The following CD302 variants were observed in gnomAD, a reference collection of about 807,000 sequenced individuals.
CD302 encodes the protein CD302 antigen.
A neutral mutation model predicts 26.5 loss-of-function variants in CD302; 23 were observed. The observed-to-expected ratio is 0.87, with a 90% confidence interval of 0.62 to 1.23. The LOEUF (loss-of-function observed/expected upper bound fraction) is 1.23. Ranked by LOEUF, CD302 falls within the 50% of genes most tolerant of loss-of-function variation. The pLI, the probability that CD302 is intolerant of heterozygous loss-of-function variation, is 0.00. For missense variants in CD302, 290 were observed against 275.5 expected, an observed-to-expected ratio of 1.05 and a Z score of -0.37; for synonymous variants, 90 against 99.4, an observed-to-expected ratio of 0.91 and a Z score of 0.56.
chr2:159,780,169 A>C lies in CD302; in HGVS notation c.305T>G (p.Phe102Cys), dbSNP rs992626516. Residue 102 changes from phenylalanine (F) to cysteine (C), a missense_variant, in exon 4 of 6, where the codon TTC (phenylalanine) becomes TGC (cysteine). By Grantham distance (205) the Phe-to-Cys change is radical. Coordinates refer to ENST00000259053, the MANE Select transcript of CD302 (RefSeq NM_014880.5). Reference protein sequence around the residue: ...GMFYDTDDASFKWFDNSNMTF... With the variant: ...GMFYDTDDASCKWFDNSNMTF... The stretch of plus-strand genomic sequence containing the variant: ...CATATTTGAATTATCAAACCACTTG[A>C]AACTCGCATCTGTCAATTAAGGAAT... 3.1e-6 allele frequency: 5 copies of C among 1,613,176 alleles called. No individual in the cohort carries two copies. Among genetic ancestry groups the C allele is most frequent in the Non-Finnish European group, 4.2e-6 (5 of 1,179,694 alleles).
chr2:159,794,306 A>AAAATAAAATAAT (rs1560052350), intron 1 of CD302, among the ~76,000 whole-genome samples: 198 of 8,944 alleles, frequency 0.022, no homozygotes, highest in African/African-American at 0.061. Flanking sequence ...ATAAAATAAT[A>AAAATAAAATAAT]AAAAAAAAAA....
chr2:159,777,090 G>A (rs569521410), intron 5 of CD302, among the ~76,000 whole-genome samples: 1 of 151,188 alleles, frequency 6.6e-6, no homozygotes, highest in South Asian at 2.1e-4. Flanking sequence ...AACTCCATCT[G>A]TACAAAAAAA....
At position 159,770,389 on chromosome 2, in the gene CD302, C is replaced by T. The variant is rs1238543771; in HGVS notation, c.*1462G>A. The T allele has an allele frequency of 3.9e-5, 6 of 152,118 alleles. No individual in the cohort carries two copies. 9.4% of individuals were successfully genotyped at this position (152,118 alleles called of 1,614,324 possible). A position where few individuals can be genotyped will look rare whatever the true frequency, so the allele number is the denominator to read the frequency against. ...ATAGTTTTCTATCACTTTTTAGTTACTCATGTCTCATTAATGATAGTGCCA... is the reference window on the plus strand; with the variant it reads ...ATAGTTTTCTATCACTTTTTAGTTATTCATGTCTCATTAATGATAGTGCCA... On this transcript the variant is annotated 3_prime_UTR_variant, in exon 6 of 6. Transcript: ENST00000259053.
chr2:159,776,520 A>G (rs949608787), intron 5 of CD302, among the ~76,000 whole-genome samples: 2 of 152,066 alleles, frequency 1.3e-5, no homozygotes, highest in African/African-American at 2.4e-5. Context: ...TTCCTACCAC[A>G]AGAGTTCCAA....
chr2:159,779,957 C>CT (rs1017440706), intron 4 of CD302, 48 bp downstream of exon 4: 4 of 1,569,900 alleles, frequency 2.5e-6, no homozygotes, highest in African/African-American at 1.4e-5. Context: ...ACCAGTCCTA[C>CT]TTTCTCTGCC....
At position 159,797,538 on chromosome 2, in the gene CD302, T is replaced by C. The variant is rs184044206; in HGVS notation, c.67+594A>G. 1.2e-3 allele frequency among the ~76,000 whole-genome samples: 176 copies of C among 152,308 alleles called. No homozygotes were observed. The South Asian group carries it at 0.013, about 12-fold the overall frequency. ...CAACAGCAGACTAGAACTTTAAAAC[T>C]CCTTGATTTCAGTGAAATCCAAGCT... On this transcript the variant is annotated intron_variant, in intron 1 of 5. Transcript: ENST00000259053.
intron 5 of CD302, among the ~76,000 whole-genome samples, chr2:159,772,306 G>A (rs1708175229): frequency 2.0e-5 from 3 of 152,122 alleles, no homozygotes; most frequent in Admixed American, 1.3e-4. Flanking sequence ...TGGAAATCAC[G>A]CAAGTATATA....
At chr2:159,776,132 C>T (rs936165436) in intron 5 of CD302, among the ~76,000 whole-genome samples, 6 of 150,258 alleles carry the variant, frequency 4.0e-5, no homozygotes, top group African/African-American at 1.2e-4. Flanking sequence ...GGATTACAGG[C>T]GTGAGCCACT....
intron 1 of CD302, 78 bp downstream of exon 1, chr2:159,798,054 G>A (rs993918681): frequency 1.6e-5 from 22 of 1,368,750 alleles, no homozygotes; most frequent in African/African-American, 1.5e-5. Flanking sequence ...TCGGGTGCGC[G>A]GGGACGAAGA....
intron 1 of CD302, among the ~76,000 whole-genome samples, chr2:159,783,974 TC>T (rs1262842681): frequency 6.6e-6 from 1 of 152,238 alleles, no homozygotes; most frequent in East Asian, 1.9e-4. Context: ...AGATTGATGT[TC>T]TTATGAATGT....
chr2:159,780,854 C>T (rs764769118), intron 3 of CD302, 28 bp downstream of exon 3: 1 of 1,595,580 alleles, frequency 6.3e-7, no homozygotes, highest in South Asian at 1.1e-5. Context: ...ACAACAAAGT[C>T]ACGTCCCACG....
rs71406197 is a variant in CD302 at position 159,776,012 on chromosome 2, CTT to C, written c.496+1924_496+1925del. Among the ~76,000 whole-genome samples, 27 of 81,256 alleles carry C rather than the reference CTT, an allele frequency of 3.3e-4. 3 individuals are homozygous for C. Among genetic ancestry groups the C allele is most frequent in the African/African-American group, 7.7e-4 (18 of 23,232 alleles). The allele number at this position is 81,256 out of a possible 152,430, so 53.3% of individuals were successfully genotyped here. A position where few individuals can be genotyped will look rare whatever the true frequency, so the allele number is the denominator to read the frequency against. On this transcript the variant is annotated intron_variant, in intron 5 of 5. Transcript: ENST00000259053. ...TGCAGCCTCTGCCTCCGGGTTTCAACTTTTTTTTTTTTTTTTTTAAAGTAGAG... is the reference window on the plus strand; with the variant it reads ...TGCAGCCTCTGCCTCCGGGTTTCAACTTTTTTTTTTTTTTTTAAAGTAGAG...
rs758348918 is a variant in CD302 at position 159,783,408 on chromosome 2, G to A, written c.129C>T (p.Ala43=). The A allele has an allele frequency of 1.1e-5, 17 of 1,612,758 alleles. No individual in the cohort carries two copies. In the South Asian group the frequency reaches 1.5e-4, roughly 15 times the overall value. The part of the protein sequence containing the change: ...QDSCYIFLQE[A]IKVESIEDVR... ...CATCCTCTATGCTTTCTACTTTGAT[G>A]GCTTCTTGGAGAAAAATGTAACAAC... is the stretch of plus-strand genomic sequence containing the variant. Residue 43 remains alanine (A), a synonymous_variant, in exon 2 of 6, where the codon GCC becomes GCT. Coordinates refer to ENST00000259053, the MANE Select transcript of CD302 (RefSeq NM_014880.5).
At chr2:159,781,149 A>G in intron 2 of CD302, 151 bp from the exon 3 acceptor site, 1 of 646,192 alleles carries the variant, frequency 1.5e-6, no homozygotes. Flanking sequence ...CAAGCTAATA[A>G]GGTTACAGGG....
chr2:159,779,800 C>T (rs530503548), intron 4 of CD302, among the ~76,000 whole-genome samples: 11 of 144,230 alleles, frequency 7.6e-5, no homozygotes, highest in African/African-American at 2.4e-4. Context: ...GATGAGTTTT[C>T]GCCATGTTGC....
intron 3 of CD302, among the ~76,000 whole-genome samples, 160 bp downstream of exon 3, chr2:159,780,722 C>G (rs1708480191): frequency 6.6e-6 from 1 of 152,116 alleles, no homozygotes; most frequent in Admixed American, 6.5e-5. Context: ...TTGAGCTATG[C>G]AGATACAAGC....
chr2:159,775,949 C>T (rs1400719889), intron 5 of CD302, among the ~76,000 whole-genome samples: 2 of 146,556 alleles, frequency 1.4e-5, no homozygotes, highest in African/African-American at 5.0e-5. Context: ...TGCTCTGTCT[C>T]GCCCAGGCTG....
chr2:159,779,364 T>A (rs956905833), intron 4 of CD302, among the ~76,000 whole-genome samples: 5 of 152,162 alleles, frequency 3.3e-5, no homozygotes, highest in Non-Finnish European at 7.4e-5. Context: ...ATCTAATTCC[T>A]TGTAAAGTAA....
chr2:159,783,284 T>A, intron 2 of CD302, 75 bp downstream of exon 2: 1 of 1,257,660 alleles, frequency 8.0e-7, no homozygotes, highest in Non-Finnish European at 1.1e-6. Context: ...TGTGACAAAA[T>A]CAATTTTTAA....
Sources: allele counts gnomAD v4.1 joint callset (sites outside exome capture counted in the v4.1 genomes callset), GRCh38; gene constraint gnomAD v4.1.1; transcripts MANE v1.5; gene names NCBI Gene and HGNC (gene_info 2026-07-23, HGNC 2026-07-21).